ANOS1: variants seen among roughly 807,000 people sequenced by gnomAD.
ANOS1 encodes the protein anosmin-1.
ANOS1 carries 6 observed loss-of-function variants against 59.0 expected under a neutral mutation model. That is an observed-to-expected ratio of 0.10 (90% CI 0.06 to 0.20). The LOEUF (loss-of-function observed/expected upper bound fraction) is 0.20, where lower values mean the gene tolerates loss of function less well. ANOS1 is among the 10% of genes least tolerant of loss of function. ANOS1 has a pLI of 1.00. For synonymous variants in ANOS1, 217 were observed against 223.4 expected (o/e 0.97, Z 0.25); for missense variants, 433 against 542.3 (o/e 0.80, Z 2.00).
At chrX:8,701,907 G>A (rs1932758356) in intron 1 of ANOS1, among the ~76,000 whole-genome samples, 1 of 111,312 alleles carries the variant, frequency 9.0e-6, no homozygotes, top group African/African-American at 3.3e-5. Context: ...AAAAGATCTC[G>A]GTCCCATATG....
At chrX:8,647,329 C>G (rs961844655) in intron 2 of ANOS1, among the ~76,000 whole-genome samples, 2 of 111,137 alleles carry the variant, frequency 1.8e-5, no homozygotes, top group Non-Finnish European at 3.8e-5. Flanking sequence ...TAAATAAGCA[C>G]GAAACCATCA....
intron 1 of ANOS1, among the ~76,000 whole-genome samples, chrX:8,714,886 G>C: frequency 8.9e-6 from 1 of 111,911 alleles, no homozygotes; most frequent in East Asian, 2.8e-4. Context: ...AACTAAAATA[G>C]AGTACCTCAT....
At chrX:8,612,098 G>A (rs1601978429) in intron 3 of ANOS1, among the ~76,000 whole-genome samples, 1 of 111,566 alleles carries the variant, frequency 9.0e-6, no homozygotes, top group East Asian at 2.8e-4. Context: ...TATTATACAT[G>A]AAGTCATTCA....
chrX:8,569,417 C>T (rs997580876), intron 7 of ANOS1, among the ~76,000 whole-genome samples: 25 of 112,299 alleles, frequency 2.2e-4, no homozygotes, highest in East Asian at 5.7e-4. Flanking sequence ...CCAAGGTGGG[C>T]GGATCACGAG....
intron 2 of ANOS1, among the ~76,000 whole-genome samples, chrX:8,666,128 C>T (rs1210284589): frequency 9.0e-6 from 1 of 111,241 alleles, no homozygotes; most frequent in Non-Finnish European, 1.9e-5. Flanking sequence ...GCCAGGAGTT[C>T]AAGGCTGCAG....
At chrX:8,533,526 T>G (rs1275536758) in intron 13 of ANOS1, among the ~76,000 whole-genome samples, 2 of 112,206 alleles carry the variant, frequency 1.8e-5, no homozygotes, top group African/African-American at 3.2e-5. Context: ...ATCTATCATT[T>G]AAAAAAATCA....
At position 8,656,168 on chromosome X, in the gene ANOS1, A is replaced by G. The variant is rs146558527; in HGVS notation, c.256-32498T>C. 2.9e-3 allele frequency among the ~76,000 whole-genome samples: 330 copies of G among 112,747 alleles called. 1 individual carries two copies. The highest frequency in any genetic ancestry group is 0.023 in the Middle Eastern group (5 of 218). On this transcript the variant is annotated intron_variant, in intron 2 of 13. Coordinates refer to ENST00000262648, the MANE Select transcript of ANOS1 (RefSeq NM_000216.4). Reference sequence around the variant, plus strand: ...GCCACTACCTGCACATCTCCACTTCATAAGACATCTTTCTGCATTCCCGCA... The same window carrying G: ...GCCACTACCTGCACATCTCCACTTCGTAAGACATCTTTCTGCATTCCCGCA...
At chrX:8,719,570 G>A (rs763294018) in intron 1 of ANOS1, among the ~76,000 whole-genome samples, 6 of 111,238 alleles carry the variant, frequency 5.4e-5, no homozygotes, top group South Asian at 7.7e-4. Context: ...TAGTAGAGAT[G>A]GGGTTTTGCC....
At chrX:8,702,184 C>T (rs1049919346) in intron 1 of ANOS1, among the ~76,000 whole-genome samples, 2 of 110,574 alleles carry the variant, frequency 1.8e-5, no homozygotes, top group African/African-American at 6.6e-5. Context: ...GAGACGCATA[C>T]GAACAGCTTA....
intron 6 of ANOS1, among the ~76,000 whole-genome samples, chrX:8,577,376 T>A (rs1285816372): frequency 2.7e-5 from 3 of 111,138 alleles, no homozygotes; most frequent in Admixed American, 9.6e-5. Flanking sequence ...TTCCTCTGAG[T>A]CTCAAATCTG....
Position 8,530,620 on chromosome X carries a change from G to A in ANOS1, c.*2375C>T, listed in dbSNP as rs1326973305. On this transcript the variant is annotated 3_prime_UTR_variant, in exon 14 of 14. Transcript: ENST00000262648. ...AAGAGCTGCTTTAGATTTTTTTAAGGGAGATGTAAGCTTCAGAATCACCAT... is the reference window on the plus strand; with the variant it reads ...AAGAGCTGCTTTAGATTTTTTTAAGAGAGATGTAAGCTTCAGAATCACCAT... The A allele has an allele frequency of 9.1e-6, 1 of 109,294 alleles. No individual in the cohort carries two copies. The highest frequency in any genetic ancestry group is 3.3e-5 in the African/African-American group (1 of 30,230). 9.0% of individuals were successfully genotyped at this position (109,294 alleles called of 1,213,427 possible). A position where few individuals can be genotyped will look rare whatever the true frequency, so the allele number is the denominator to read the frequency against.
Position 8,732,045 on chromosome X carries a change from G to A in ANOS1, c.-9C>T, listed in dbSNP as rs1387935587. 1.0e-6 allele frequency: 1 copy of A among 952,552 alleles called. No homozygotes were observed. 78.5% of individuals were successfully genotyped at this position (952,552 alleles called of 1,213,427 possible). A position where few individuals can be genotyped will look rare whatever the true frequency, so the allele number is the denominator to read the frequency against. On this transcript the variant is annotated 5_prime_UTR_variant, in exon 1 of 14. Transcript: ENST00000262648. ...GGCACCCCGGGCACCATGGCTGCGG[G>A]TCGAGGGCGAGGGCGAGGGCGCCGG...
At position 8,623,609 on chromosome X, in the gene ANOS1, T is replaced by C. The variant is rs1238910233; in HGVS notation, c.317A>G (p.Glu106Gly). The change falls in exon 3 of 14, where the codon GAG becomes GGG. Residue 106 changes from glutamate to glycine, a missense_variant and splice_region_variant. Coordinates refer to ENST00000262648, the MANE Select transcript of ANOS1 (RefSeq NM_000216.4). The part of the protein sequence containing the change: ...LRKHQCQSFC[E>G]PLFPKKSYEC... ...TAAGTACCACTGACGTTCTCCTACC[T>C]CACAAAAGCTTTGGCACTGGTGTTT... 2 of 1,200,380 alleles carry C rather than the reference T, an allele frequency of 1.7e-6. No individual in the cohort carries two copies. The highest frequency in any genetic ancestry group is 2.3e-6 in the Non-Finnish European group (2 of 885,276).
intron 9 of ANOS1, among the ~76,000 whole-genome samples, chrX:8,552,451 C>T (rs1430586634): frequency 2.7e-5 from 3 of 112,075 alleles, no homozygotes; most frequent in Non-Finnish European, 5.6e-5. Context: ...AAAGGATACA[C>T]AGATTGATGT....
At chrX:8,594,697 T>TATAC (rs1247233512) in intron 4 of ANOS1, among the ~76,000 whole-genome samples, 25 of 18,552 alleles carry the variant, frequency 1.3e-3, no homozygotes, top group African/African-American at 3.1e-3. Context: ...TATATATATA[T>TATAC]ACACATATAT....
intron 3 of ANOS1, among the ~76,000 whole-genome samples, chrX:8,604,367 T>C (rs894228951): frequency 8.9e-6 from 1 of 111,916 alleles, no homozygotes; most frequent in African/African-American, 3.3e-5. Flanking sequence ...TCCCAATGTC[T>C]GGCCAAGACT....
intron 2 of ANOS1, among the ~76,000 whole-genome samples, chrX:8,630,485 A>G (rs924528836): frequency 3.6e-5 from 4 of 112,215 alleles, no homozygotes; most frequent in African/African-American, 1.3e-4. Flanking sequence ...AATGAAAAAA[A>G]GGATATGTAT....
chrX:8,658,645 A>G (rs1055500915), intron 2 of ANOS1, among the ~76,000 whole-genome samples: 3 of 112,432 alleles, frequency 2.7e-5, no homozygotes, highest in Non-Finnish European at 5.6e-5. Context: ...GAATAATTGT[A>G]GCCATGGAAC....
intron 8 of ANOS1, among the ~76,000 whole-genome samples, chrX:8,563,965 C>T (rs1459624097): frequency 9.0e-6 from 1 of 111,249 alleles, no homozygotes; most frequent in East Asian, 2.8e-4. Flanking sequence ...CATTCAGATA[C>T]AGGGAATGAC....
Sources: allele counts gnomAD v4.1 joint callset (sites outside exome capture counted in the v4.1 genomes callset), GRCh38; gene constraint gnomAD v4.1.1; transcripts MANE v1.5; gene names NCBI Gene and HGNC (gene_info 2026-07-23, HGNC 2026-07-21).